SDK2: variants seen among roughly 807,000 people sequenced by gnomAD.
SDK2 encodes the protein protein sidekick-2.
SDK2 carries 105 observed loss-of-function variants against 253.9 expected under a neutral mutation model. The ratio of observed to expected loss-of-function variants is 0.41; its 90% CI spans 0.35 to 0.49. The LOEUF is 0.49. Ranked by LOEUF, SDK2 falls within the 20% of genes least tolerant of loss-of-function variation. The pLI, the probability that SDK2 is intolerant of heterozygous loss-of-function variation, is 0.06. For synonymous variants in SDK2, 1,249 were observed against 1,234.9 expected (o/e 1.01, Z -0.24); for missense variants, 2,608 against 3,003.0 (o/e 0.87, Z 3.07).
chr17:73,341,291 G>A (rs1400648577), intron 44 of SDK2, among the ~76,000 whole-genome samples: 1 of 147,964 alleles, frequency 6.8e-6, no homozygotes, highest in Non-Finnish European at 1.5e-5. Flanking sequence ...TATCTATTGG[G>A]GACATCAGCC....
At chr17:73,408,099 T>G (rs2063095356) in intron 18 of SDK2, among the ~76,000 whole-genome samples, 1 of 147,270 alleles carries the variant, frequency 6.8e-6, no homozygotes, top group South Asian at 2.2e-4. Flanking sequence ...TCGCCTAGAC[T>G]GGAGTACAAT....
intron 1 of SDK2, among the ~76,000 whole-genome samples, chr17:73,562,606 G>C (rs1450869288): frequency 6.6e-6 from 1 of 152,078 alleles, no homozygotes; most frequent in Non-Finnish European, 1.5e-5. Flanking sequence ...GTTGGGAGGT[G>C]GTTCTGAGTG....
At chr17:73,617,009 T>G (rs1057066644) in intron 1 of SDK2, among the ~76,000 whole-genome samples, 1 of 151,892 alleles carries the variant, frequency 6.6e-6, no homozygotes, top group Non-Finnish European at 1.5e-5. Flanking sequence ...CCACGACACA[T>G]GTTTATTGAA....
Position 73,388,044 on chromosome 17 carries a change from G to A in SDK2, c.4193-7C>T, listed in dbSNP as rs775869727. ...CTGGGGGGCTGCGGACGGTCTGGGA[G>A]GTGGCAGAGGGGGAGGAGCAGGTGA... On this transcript the variant is annotated splice_polypyrimidine_tract_variant and splice_region_variant and intron_variant, in intron 29 of 44. Coordinates refer to ENST00000392650, the MANE Select transcript of SDK2 (RefSeq NM_001144952.2). 6.4e-7 allele frequency: 1 copy of A among 1,560,374 alleles called. No homozygotes were observed. Among genetic ancestry groups the A allele is most frequent in the Non-Finnish European group, 8.7e-7 (1 of 1,153,686 alleles).
chr17:73,640,824 C>A (rs958077884), intron 1 of SDK2, among the ~76,000 whole-genome samples: 2 of 152,114 alleles, frequency 1.3e-5, no homozygotes, highest in African/African-American at 4.8e-5. Context: ...CTTCTGTTCT[C>A]CCCCCAGGCA....
intron 38 of SDK2, among the ~76,000 whole-genome samples, chr17:73,364,548 C>A (rs1023883801): frequency 6.6e-6 from 1 of 152,092 alleles, no homozygotes; most frequent in Admixed American, 6.6e-5. Context: ...AAGGACTAAC[C>A]CACAGTAAAG....
At chr17:73,529,767 G>T (rs948843456) in intron 1 of SDK2, among the ~76,000 whole-genome samples, 4 of 152,154 alleles carry the variant, frequency 2.6e-5, no homozygotes, top group Non-Finnish European at 4.4e-5. Context: ...CTAGAGACAG[G>T]CATGGAACAG....
At chr17:73,617,149 A>C in intron 1 of SDK2, among the ~76,000 whole-genome samples, 1 of 147,668 alleles carries the variant, frequency 6.8e-6, no homozygotes, top group Admixed American at 6.7e-5. Context: ...TGGGGAGGGG[A>C]GAAGCTTCCC....
intron 4 of SDK2, among the ~76,000 whole-genome samples, chr17:73,448,901 T>C (rs946005674): frequency 6.6e-6 from 1 of 152,174 alleles, no homozygotes; most frequent in African/African-American, 2.4e-5. Flanking sequence ...CCTCAAGTGA[T>C]CTGCCTGCCT....
intron 1 of SDK2, among the ~76,000 whole-genome samples, chr17:73,571,551 A>G (rs571986606): frequency 6.6e-6 from 1 of 152,136 alleles, no homozygotes; most frequent in Non-Finnish European, 1.5e-5. Flanking sequence ...CGGGCGCTCT[A>G]AGCAGCCTGT....
At chr17:73,505,337 C>T (rs1395915920) in intron 2 of SDK2, among the ~76,000 whole-genome samples, 20 of 152,150 alleles carry the variant, frequency 1.3e-4, no homozygotes, top group Admixed American at 1.3e-3. Context: ...GTGTGTTTAT[C>T]TGTAAAATGG....
chr17:73,576,741 A>T (rs574754339), intron 1 of SDK2, among the ~76,000 whole-genome samples: 1 of 152,326 alleles, frequency 6.6e-6, no homozygotes, highest in East Asian at 1.9e-4. Flanking sequence ...TCCCTCACCC[A>T]GTAGGACTTG....
At position 73,379,737 on chromosome 17, in the gene SDK2, G is replaced by A. The variant is rs1480388711; in HGVS notation, c.4763-188C>T. On this transcript the variant is annotated intron_variant, in intron 34 of 44. Coordinates refer to ENST00000392650, the MANE Select transcript of SDK2 (RefSeq NM_001144952.2). The surrounding 1 kb of genome is among the most constrained non-coding windows in gnomAD (Gnocchi z 4.5). ...CCAGGGGACGCTCTGTGCCAATCTG[G>A]ACATAGGGCAATGCTGGTTGGCCTC... Among the ~76,000 whole-genome samples, 2 of 152,148 alleles carry A rather than the reference G, an allele frequency of 1.3e-5. No homozygotes were observed.
intron 1 of SDK2, among the ~76,000 whole-genome samples, chr17:73,640,463 G>T (rs1025369278): frequency 5.9e-5 from 9 of 152,130 alleles, no homozygotes; most frequent in African/African-American, 2.2e-4. Flanking sequence ...GGGTACAAAG[G>T]GTGAGGGAAA....
chr17:73,465,877 G>C lies in SDK2; in HGVS notation c.331+6235C>G, dbSNP rs1481090032. 6.6e-6 allele frequency among the ~76,000 whole-genome samples: 1 copy of C among 152,134 alleles called. No individual in the cohort carries two copies. The highest frequency in any genetic ancestry group is 1.9e-4 in the East Asian group (1 of 5,174). ...GAGACAGGAACAGCCAAGGAGGGGAGGGGCATTTGGGAAAAGTGACCATAC... is the reference window on the plus strand; with the variant it reads ...GAGACAGGAACAGCCAAGGAGGGGACGGGCATTTGGGAAAAGTGACCATAC... On this transcript the variant is annotated intron_variant, in intron 3 of 44. Coordinates refer to ENST00000392650, the MANE Select transcript of SDK2 (RefSeq NM_001144952.2). The surrounding 1 kb of genome is among the most constrained non-coding windows in gnomAD (Gnocchi z 4.2).
rs375662534 is a variant in SDK2 at position 73,393,723 on chromosome 17, G to A, written c.3735C>T (p.Asp1245=). ...CCACCAGCCAGAATCGGGGCTGGGT[G>A]TCCGAGTCCTTCTCCTTATACATCA... ...YKVMYKEKDS[D]TQPRFWLVEG... The change falls in exon 27 of 45, where the codon GAC becomes GAT. Residue 1245 remains aspartate (D), a synonymous_variant. Coordinates refer to ENST00000392650, the MANE Select transcript of SDK2 (RefSeq NM_001144952.2). 6.3e-6 allele frequency: 10 copies of A among 1,584,216 alleles called. No individual in the cohort carries two copies. The highest frequency in any genetic ancestry group is 5.4e-5 in the African/African-American group (4 of 74,462).
At chr17:73,384,338 G>T (rs2062855465) in intron 32 of SDK2, among the ~76,000 whole-genome samples, 1 of 152,142 alleles carries the variant, frequency 6.6e-6, no homozygotes, top group African/African-American at 2.4e-5. Flanking sequence ...TTTTCCTAGA[G>T]CCGCTCCTTG....
At chr17:73,357,051 C>A (rs1360981810) in intron 40 of SDK2, among the ~76,000 whole-genome samples, 1 of 152,200 alleles carries the variant, frequency 6.6e-6, no homozygotes, top group Non-Finnish European at 1.5e-5. Flanking sequence ...AGGGAGGGAC[C>A]ATCTGGAGTG....
At chr17:73,366,122 A>G (rs1036924548) in intron 37 of SDK2, among the ~76,000 whole-genome samples, 2 of 152,050 alleles carry the variant, frequency 1.3e-5, no homozygotes, top group African/African-American at 4.8e-5. Flanking sequence ...CCTCCCCACC[A>G]CGCTGGAGCT....
Sources: gnomAD v4.1 joint callset for allele counts (sites outside exome capture counted in the v4.1 genomes callset) on GRCh38, gnomAD v4.1.1 for gene constraint, Gnocchi (gnomAD v3.1) non-coding constraint, MANE v1.5 for transcripts, NCBI Gene and HGNC (gene_info 2026-07-23, HGNC 2026-07-21) for gene names.